Variants in TAS2R1 observed in about 807,000 individuals in gnomAD.
TAS2R1 encodes the protein taste receptor type 2 member 1.
For missense variants in TAS2R1, 370 were observed against 353.4 expected (o/e 1.05, Z -0.38); for synonymous variants, 141 against 134.2 (o/e 1.05, Z -0.35).
chr5:9,859,503 C>T, the TAS2R1 span, among the ~76,000 whole-genome samples: 1 of 152,194 alleles, frequency 6.6e-6, no homozygotes, highest in African/African-American at 2.4e-5. Context: ...TATAAGTGCC[C>T]CAGATGGTTT....
chr5:9,882,212 AAAG>A, the TAS2R1 span, among the ~76,000 whole-genome samples: 1 of 152,260 alleles, frequency 6.6e-6, no homozygotes, highest in Non-Finnish European at 1.5e-5. Context: ...ACACTTCTCA[AAAG>A]AAGACATTTA....
chr5:9,661,138 C>T (rs1740524564), intron 1 of TAS2R1, among the ~76,000 whole-genome samples: 1 of 152,198 alleles, frequency 6.6e-6, no homozygotes, highest in African/African-American at 2.4e-5. Context: ...TTTGTTATGG[C>T]AGCAACATAA....
At chr5:9,832,800 G>GC in the TAS2R1 span, among the ~76,000 whole-genome samples, 1 of 152,234 alleles carries the variant, frequency 6.6e-6, no homozygotes, top group Non-Finnish European at 1.5e-5. Context: ...TAAACCGAAA[G>GC]TTGTCTGAGA....
chr5:9,633,301 TATATATATA>T (rs1739907890), upstream of TAS2R1, among the ~76,000 whole-genome samples: 1 of 115,144 alleles, frequency 8.7e-6, no homozygotes, highest in Admixed American at 8.4e-5. Context: ...ATATTATATA[TATATATATA>T]TATATATATA....
intron 1 of TAS2R1, among the ~76,000 whole-genome samples, chr5:9,710,741 A>G (rs183185504): frequency 2.0e-5 from 3 of 151,844 alleles, no homozygotes; most frequent in African/African-American, 7.2e-5. Context: ...TGCAATAAAT[A>G]TTCCTCCAAA....
At chr5:9,898,417 G>A in the TAS2R1 span, among the ~76,000 whole-genome samples, 17 of 152,190 alleles carry the variant, frequency 1.1e-4, no homozygotes, top group Non-Finnish European at 2.1e-4. Context: ...GGTAGAAGCC[G>A]TGTGTACGTG....
At chr5:9,738,917 G>A in the TAS2R1 span, among the ~76,000 whole-genome samples, 1 of 152,066 alleles carries the variant, frequency 6.6e-6, no homozygotes, top group Non-Finnish European at 1.5e-5. Context: ...AAGCTAAGCT[G>A]TGTCAGTAAT....
At position 9,702,216 on chromosome 5, in the gene TAS2R1, G is replaced by A. The variant is rs561410718; in HGVS notation, c.-242+9956C>T. Among the ~76,000 whole-genome samples the A allele has an allele frequency of 3.9e-5, 6 of 152,338 alleles. No homozygotes were observed. The South Asian group carries it at 1.2e-3, about 32-fold the overall frequency. On this transcript the variant is annotated intron_variant, in intron 1 of 2. Transcript: ENST00000506620. ...TTCTAACAATTTTGCATGTGTGGGT[G>A]TAAAACAAGGCATTTATTCATTAAC...
the TAS2R1 span, among the ~76,000 whole-genome samples, chr5:9,802,545 G>A: frequency 6.6e-6 from 1 of 152,092 alleles, no homozygotes; most frequent in African/African-American, 2.4e-5. Context: ...AAAGATCATA[G>A]GTCCAAAGAT....
the TAS2R1 span, chr5:9,889,706 G>C: frequency 6.6e-6 from 1 of 152,258 alleles, no homozygotes; most frequent in Non-Finnish European, 1.5e-5. Flanking sequence ...TCATGTGAGA[G>C]GTCATGGAGC....
chr5:9,677,191 T>C (rs1017150859), intron 1 of TAS2R1, among the ~76,000 whole-genome samples: 3 of 152,130 alleles, frequency 2.0e-5, no homozygotes, highest in Non-Finnish European at 2.9e-5. Context: ...CATTTGTATG[T>C]GGGAGCTAAA....
chr5:9,840,857 A>ATTTTTTTTTTTTTTTTTTTT, the TAS2R1 span, among the ~76,000 whole-genome samples: 1 of 132,086 alleles, frequency 7.6e-6, no homozygotes, highest in African/African-American at 2.8e-5. Context: ...TTATTTATTT[A>ATTTTTTTTTTTTTTTTTTTT]TTTTTTTTTT....
chr5:9,842,310 TTC>T, the TAS2R1 span, among the ~76,000 whole-genome samples: 6 of 145,912 alleles, frequency 4.1e-5, no homozygotes, highest in Non-Finnish European at 6.0e-5. Context: ...AAGTCTTTCT[TTC>T]TCTCTTTTTT....
the TAS2R1 span, among the ~76,000 whole-genome samples, chr5:9,779,840 G>A: frequency 3.3e-5 from 5 of 152,174 alleles, no homozygotes; most frequent in Admixed American, 6.5e-5. Context: ...CAAGGCTGTC[G>A]CAAATCTTCA....
the TAS2R1 span, among the ~76,000 whole-genome samples, chr5:9,761,368 A>G: frequency 2.6e-5 from 4 of 152,062 alleles, 1 homozygote; most frequent in African/African-American, 9.7e-5. Context: ...TAAAGGTCAA[A>G]TAGCCTAACT....
chr5:9,718,306 A>C, the TAS2R1 span, among the ~76,000 whole-genome samples: 1 of 151,996 alleles, frequency 6.6e-6, no homozygotes, highest in Admixed American at 6.6e-5. Context: ...ATGGAAGAAA[A>C]ATTTGCAACA....
chr5:9,725,180 C>T, the TAS2R1 span, among the ~76,000 whole-genome samples: 10 of 152,236 alleles, frequency 6.6e-5, no homozygotes, highest in Non-Finnish European at 1.0e-4. Context: ...TCGCTCTGGG[C>T]GCCTCCTCTG....
the TAS2R1 span, among the ~76,000 whole-genome samples, chr5:9,840,857 A>ATTTTTTTTTTTTTTTTTTTTTTTTTTT: frequency 7.6e-6 from 1 of 132,088 alleles, no homozygotes; most frequent in African/African-American, 2.8e-5. Context: ...TTATTTATTT[A>ATTTTTTTTTTTTTTTTTTTTTTTTTTT]TTTTTTTTTT....
chr5:9,668,588 G>T (rs1740686619), intron 1 of TAS2R1, among the ~76,000 whole-genome samples: 1 of 152,132 alleles, frequency 6.6e-6, no homozygotes, highest in South Asian at 2.1e-4. Flanking sequence ...CAAGCCAGAA[G>T]AGATTAGAGG....
Sources: allele counts gnomAD v4.1 joint callset (sites outside exome capture counted in the v4.1 genomes callset), GRCh38; gene constraint gnomAD v4.1.1; transcripts MANE v1.5; gene names NCBI Gene and HGNC (gene_info 2026-07-23, HGNC 2026-07-21).